GPATCH2: variants seen among roughly 807,000 people sequenced by gnomAD.
GPATCH2 encodes G patch domain-containing protein 2.
GPATCH2 carries 51 observed loss-of-function variants against 58.0 expected under a neutral mutation model. The observed-to-expected ratio is 0.88, with a 90% CI of 0.70 to 1.11. The LOEUF is 1.11. Ranked by LOEUF, GPATCH2 falls within the 50% of genes most tolerant of loss-of-function variation. The pLI is 0.00. For missense variants in GPATCH2, 625 were observed against 652.2 expected (o/e 0.96, Z 0.45); for synonymous variants, 222 against 218.5 (o/e 1.02, Z -0.14).
chr1:217,531,578 C>T (rs1434463904), intron 5 of GPATCH2, among the ~76,000 whole-genome samples: 1 of 152,142 alleles, frequency 6.6e-6, no homozygotes, highest in Non-Finnish European at 1.5e-5. Flanking sequence ...AGAGAATCAA[C>T]TGACTACAGG....
At chr1:217,610,283 T>C in intron 5 of GPATCH2, 38 bp downstream of exon 5, 1 of 1,491,280 alleles carries the variant, frequency 6.7e-7, no homozygotes, top group Non-Finnish European at 9.3e-7. Flanking sequence ...ATGGAAACAT[T>C]TCCAAACATG....
At chr1:217,446,852 G>A (rs1292195099) in intron 9 of GPATCH2, among the ~76,000 whole-genome samples, 3 of 152,120 alleles carry the variant, frequency 2.0e-5, no homozygotes, top group Admixed American at 6.6e-5. Flanking sequence ...GAGTTGTAAC[G>A]TCAAAATCGC....
intron 5 of GPATCH2, among the ~76,000 whole-genome samples, chr1:217,521,164 C>T (rs1449221561): frequency 1.3e-5 from 2 of 152,152 alleles, no homozygotes; most frequent in Non-Finnish European, 2.9e-5. Flanking sequence ...TCTTTATAGC[C>T]TACCTTATGG....
intron 8 of GPATCH2, among the ~76,000 whole-genome samples, chr1:217,451,620 A>C (rs980323084): frequency 5.9e-5 from 9 of 152,216 alleles, no homozygotes; most frequent in Non-Finnish European, 1.3e-4. Flanking sequence ...TTTTGTAAAA[A>C]AGTATCCTTT....
At chr1:217,550,922 C>T (rs4846421) in intron 5 of GPATCH2, among the ~76,000 whole-genome samples, 34,840 of 151,084 alleles carry the variant, frequency 0.23, 4,978 homozygotes, top group East Asian at 0.45. Flanking sequence ...TAAGTAATTA[C>T]ATGATTAGTA....
At chr1:217,555,010 T>A (rs1226783902) in intron 5 of GPATCH2, among the ~76,000 whole-genome samples, 1 of 152,186 alleles carries the variant, frequency 6.6e-6, no homozygotes, top group Non-Finnish European at 1.5e-5. Flanking sequence ...AATACATGAA[T>A]CACTCATCAG....
At chr1:217,521,174 G>C (rs1558453554) in intron 5 of GPATCH2, among the ~76,000 whole-genome samples, 2 of 152,088 alleles carry the variant, frequency 1.3e-5, no homozygotes, top group Non-Finnish European at 1.5e-5. Context: ...CTACCTTATG[G>C]CTTGCTTTTC....
In GPATCH2 at chr1:217,448,013, G is replaced by A. The variant is rs141140126; in HGVS notation, c.1366+1236C>T. ...CTTGGGAGGCTGAGGCAGGAGAATC[G>A]CTTGAACCCTGGAGGTGGAGGTTGC... On this transcript the variant is annotated intron_variant, in intron 9 of 9. Transcript: ENST00000366935. Among the ~76,000 whole-genome samples the A allele has an allele frequency of 1.5e-3, 224 of 151,450 alleles. 2 individuals are homozygous for A. In the South Asian group the frequency reaches 0.017, roughly 11 times the overall value.
chr1:217,621,095 A>T (rs1289037069), intron 1 of GPATCH2, among the ~76,000 whole-genome samples: 1 of 152,208 alleles, frequency 6.6e-6, no homozygotes, highest in East Asian at 1.9e-4. Context: ...TCGCATTCAA[A>T]TTGGAGCCTC....
chr1:217,437,413 G>A (rs1658891071), intron 9 of GPATCH2, among the ~76,000 whole-genome samples: 1 of 152,158 alleles, frequency 6.6e-6, no homozygotes, highest in African/African-American at 2.4e-5. Flanking sequence ...GGGGGTTGAA[G>A]CCAGGGAGCC....
intron 8 of GPATCH2, among the ~76,000 whole-genome samples, chr1:217,460,758 T>A (rs1245861139): frequency 1.3e-5 from 2 of 152,250 alleles, no homozygotes. Context: ...AGTTTATTAA[T>A]CATACTGACA....
chr1:217,458,848 C>T (rs114757905), intron 8 of GPATCH2, among the ~76,000 whole-genome samples: 2,421 of 152,242 alleles, frequency 0.016, 75 homozygotes, highest in African/African-American at 0.055. Context: ...CTCCGTATTT[C>T]CATATCAATC....
intron 8 of GPATCH2, among the ~76,000 whole-genome samples, chr1:217,474,264 A>T (rs1660874494): frequency 6.6e-6 from 1 of 152,200 alleles, no homozygotes; most frequent in African/African-American, 2.4e-5. Flanking sequence ...TTGATGAAGT[A>T]GAACTTCCTC....
chr1:217,500,068 C>T (rs994748424), intron 6 of GPATCH2, among the ~76,000 whole-genome samples: 5 of 152,062 alleles, frequency 3.3e-5, no homozygotes, highest in Admixed American at 1.3e-4. Flanking sequence ...TAAATACAGA[C>T]ATTATTATGA....
intron 6 of GPATCH2, among the ~76,000 whole-genome samples, chr1:217,499,220 A>T (rs1662173580): frequency 6.6e-6 from 1 of 152,172 alleles, no homozygotes; most frequent in Admixed American, 6.5e-5. Context: ...TGATACTAAC[A>T]TTACTATTAA....
At chr1:217,614,028 A>G (rs1303223352) in intron 3 of GPATCH2, 113 bp downstream of exon 3, 3 of 661,490 alleles carry the variant, frequency 4.5e-6, no homozygotes, top group East Asian at 2.6e-5. Flanking sequence ...TCACTAAGTA[A>G]TATGTGTAAG....
chr1:217,589,953 G>T (rs1667514839), intron 5 of GPATCH2, among the ~76,000 whole-genome samples: 1 of 151,664 alleles, frequency 6.6e-6, no homozygotes, highest in South Asian at 2.1e-4. Flanking sequence ...ACTGTGTGTA[G>T]TGTATTTGCT....
intron 5 of GPATCH2, among the ~76,000 whole-genome samples, chr1:217,529,374 T>C (rs533968280): frequency 6.6e-6 from 1 of 152,294 alleles, no homozygotes; most frequent in South Asian, 2.1e-4. Flanking sequence ...AAGAATGGTT[T>C]GGTTCCCTCT....
At chr1:217,444,349 T>C (rs1659283840) in intron 9 of GPATCH2, among the ~76,000 whole-genome samples, 3 of 152,156 alleles carry the variant, frequency 2.0e-5, no homozygotes, top group Admixed American at 2.0e-4. Flanking sequence ...AGCTTGCCAG[T>C]AGTGTGAGTG....
Sources: allele counts gnomAD v4.1 joint callset (sites outside exome capture counted in the v4.1 genomes callset), GRCh38; gene constraint gnomAD v4.1.1; transcripts MANE v1.5; gene names NCBI Gene and HGNC (gene_info 2026-07-23, HGNC 2026-07-21).